The following NRN1 variants were observed in gnomAD, a reference collection of about 807,000 sequenced individuals.
NRN1 encodes neuritin.
In NRN1, 4 loss-of-function variants were observed where a neutral mutation model predicts 15.0. The observed-to-expected ratio is 0.27, with a 90% confidence interval of 0.13 to 0.61. The LOEUF (loss-of-function observed/expected upper bound fraction) is 0.61. Among genes scored for constraint, NRN1 ranks in the 20% least tolerant of loss-of-function variants. The probability of loss-of-function intolerance (pLI) is 0.87; values close to 1 mark genes in which losing one functional copy is unlikely to be tolerated. For synonymous variants in NRN1, 85 were observed against 79.8 expected (o/e 1.07, Z -0.35); for missense variants, 134 against 181.9 (o/e 0.74, Z 1.51).
intron 2 of NRN1, 24 bp from the exon 3 acceptor site, chr6:5,999,228 G>C (rs751963010): frequency 3.1e-6 from 5 of 1,593,012 alleles, no homozygotes; most frequent in Non-Finnish European, 3.4e-6. Flanking sequence ...GAACAAAACA[G>C]AACAAGCAGG....
intron 1 of NRN1, chr6:6,003,588 G>A (rs1472090653): frequency 2.5e-5 from 7 of 281,406 alleles, no homozygotes; most frequent in South Asian, 1.6e-4. Flanking sequence ...CTGAGCGGCG[G>A]GAGGAGGAGG....
intron 2 of NRN1, among the ~76,000 whole-genome samples, chr6:6,001,113 A>C (rs1757933374): frequency 6.6e-6 from 1 of 152,236 alleles, no homozygotes; most frequent in African/African-American, 2.4e-5. Flanking sequence ...AGCACTAGCC[A>C]TTTAGCTGCT....
intron 2 of NRN1, among the ~76,000 whole-genome samples, chr6:6,001,996 G>C (rs1757959420): frequency 6.6e-6 from 1 of 152,250 alleles, no homozygotes. Flanking sequence ...ACAAGGCAGA[G>C]AGATCTTGCA....
Position 5,998,185 on chromosome 6 carries a change from T to G in NRN1, c.*791A>C, listed in dbSNP as rs1757818499. The G allele has an allele frequency of 6.6e-6, 1 of 152,148 alleles. No homozygotes were observed. The highest frequency in any genetic ancestry group is 2.1e-4 in the South Asian group (1 of 4,828). 9.4% of individuals were successfully genotyped at this position (152,148 alleles called of 1,614,324 possible). A position where few individuals can be genotyped will look rare whatever the true frequency, so the allele number is the denominator to read the frequency against. On this transcript the variant is annotated 3_prime_UTR_variant, in exon 3 of 3. Transcript: ENST00000244766. ...ATTAACATTTAACATCCCCCCCTTG[T>G]GATCTATACCGTTGGATATTCAGGT...
chr6:6,004,832 G>T (rs1758065123), intron 1 of NRN1, among the ~76,000 whole-genome samples: 1 of 151,950 alleles, frequency 6.6e-6, no homozygotes, highest in Non-Finnish European at 1.5e-5. Flanking sequence ...GTTTCCATCC[G>T]TTCATTCATT....
chr6:6,000,697 C>A lies in NRN1; in HGVS notation c.201-1493G>T, dbSNP rs1247985457. ...CCTGCAGACTGTCTGTGGAATTGCCCCTGCTAAAGGATGCCTAAATTGCTC... is the reference window on the plus strand; with the variant it reads ...CCTGCAGACTGTCTGTGGAATTGCCACTGCTAAAGGATGCCTAAATTGCTC... On this transcript the variant is annotated intron_variant, in intron 2 of 2. Transcript: ENST00000244766. Among the ~76,000 whole-genome samples the A allele has an allele frequency of 2.0e-5, 3 of 149,036 alleles. No individual in the cohort carries two copies. The East Asian group carries it at 5.9e-4, about 29-fold the overall frequency.
chr6:6,004,509 G>A (rs555725464), intron 1 of NRN1, among the ~76,000 whole-genome samples: 5 of 152,332 alleles, frequency 3.3e-5, no homozygotes, highest in African/African-American at 1.2e-4. Flanking sequence ...GGCTCGCCGG[G>A]GGCGGGAGCG....
chr6:6,005,992 A>G (rs1758100318), intron 1 of NRN1, among the ~76,000 whole-genome samples: 1 of 152,212 alleles, frequency 6.6e-6, no homozygotes, highest in South Asian at 2.1e-4. Flanking sequence ...ACACTTCTTA[A>G]CCCTTTCCTA....
intron 2 of NRN1, 83 bp from the exon 3 acceptor site, chr6:5,999,287 C>T: frequency 8.2e-7 from 1 of 1,219,162 alleles, no homozygotes; most frequent in Admixed American, 1.9e-5. Flanking sequence ...CTGCGCCTCC[C>T]CGCTGGCGGC....
chr6:6,003,126 A>G (rs1758005493), intron 1 of NRN1: 2 of 1,081,516 alleles, frequency 1.8e-6, no homozygotes, highest in Middle Eastern at 2.2e-4. Context: ...AGCCACCAGC[A>G]GTTACCGAAA....
intron 1 of NRN1, 200 bp from the exon 2 acceptor site, chr6:6,002,697 C>A: frequency 6.0e-6 from 4 of 669,596 alleles, no homozygotes; most frequent in Non-Finnish European, 9.9e-6. Flanking sequence ...AACGCTGCGT[C>A]TAGTGCAAAT....
rs1554145373 is a variant in NRN1, at chr6:6,000,748, T to TTTTTTA, written c.201-1545_201-1544insTAAAAA. Among the ~76,000 whole-genome samples, 246 of 99,122 alleles carry TTTTTTA rather than the reference T, an allele frequency of 2.5e-3. 24 individuals are homozygous for TTTTTTA. Among genetic ancestry groups the TTTTTTA allele is most frequent in the Non-Finnish European group, 3.3e-3 (164 of 50,010 alleles). 65.0% of individuals were successfully genotyped at this position (99,122 alleles called of 152,430 possible). ...TTTTTTTTTTTTTTTTTTTTTTTTT[T>TTTTTTA]ATGTACGCCCAGATGAGGGCAGAGT... On this transcript the variant is annotated intron_variant, in intron 2 of 2. Coordinates refer to ENST00000244766, the MANE Select transcript of NRN1 (RefSeq NM_016588.3).
chr6:6,002,295 C>T (rs1757970262), intron 2 of NRN1, 58 bp downstream of exon 2: 1 of 1,593,390 alleles, frequency 6.3e-7, no homozygotes, highest in African/African-American at 1.3e-5. Context: ...GCTCGGCACT[C>T]TCCGACCTCA....
intron 1 of NRN1, among the ~76,000 whole-genome samples, chr6:6,006,171 C>G (rs567861589): frequency 2.6e-5 from 4 of 152,214 alleles, no homozygotes; most frequent in Non-Finnish European, 5.9e-5. Context: ...TCTGCGGTGC[C>G]CGTGCAAACG....
chr6:5,998,670 TTAA>T lies in NRN1; in HGVS notation c.*303_*305del, dbSNP rs749197409. ...GAGATTCTTTTGCCAACAAAAAAAATTAATAATAATAAAATTAAAAAATGGGGT... is the reference window on the plus strand; with the variant it reads ...GAGATTCTTTTGCCAACAAAAAAAATTAATAATAAAATTAAAAAATGGGGT... On this transcript the variant is annotated 3_prime_UTR_variant, in exon 3 of 3. Coordinates refer to ENST00000244766, the MANE Select transcript of NRN1 (RefSeq NM_016588.3). The T allele has an allele frequency of 2.3e-4, 52 of 225,270 alleles. No homozygotes were observed. Among genetic ancestry groups the T allele is most frequent in the Non-Finnish European group, 3.1e-4 (36 of 115,584 alleles). 14.0% of individuals were successfully genotyped at this position (225,270 alleles called of 1,614,324 possible). A position where few individuals can be genotyped will look rare whatever the true frequency, so the allele number is the denominator to read the frequency against.
In NRN1 at chr6:5,998,564, C is replaced by T. The variant is rs1023218865; in HGVS notation, c.*412G>A. On this transcript the variant is annotated 3_prime_UTR_variant, in exon 3 of 3. Coordinates refer to ENST00000244766, the MANE Select transcript of NRN1 (RefSeq NM_016588.3). ...TTCATTCCCCTGGCCTTCTCCTCTC[C>T]TCGCCTTCCTATTAGGAGGAGCCCA... The T allele has an allele frequency of 6.3e-5, 10 of 157,638 alleles. No homozygotes were observed. Among genetic ancestry groups the T allele is most frequent in the African/African-American group, 9.6e-5 (4 of 41,532 alleles). The allele number at this position is 157,638 out of a possible 1,614,324, so 9.8% of individuals were successfully genotyped here.
intron 1 of NRN1, chr6:6,003,245 C>A: frequency 8.1e-7 from 1 of 1,234,592 alleles, no homozygotes; most frequent in Non-Finnish European, 1.0e-6. Context: ...GCCTGGACGT[C>A]CTGAGACCTG....
rs533709040 is a variant in NRN1 at position 5,998,048 on chromosome 6, C to CT, written c.*927dup. On this transcript the variant is annotated 3_prime_UTR_variant, in exon 3 of 3. Transcript: ENST00000244766. ...TACTTCTCTATACTTTGTAGCAAAT[C>CT]TTTTTTTGCTGAATTTAATTTATAA... The CT allele has an allele frequency of 1.3e-5, 2 of 152,096 alleles. No individual in the cohort carries two copies. Among genetic ancestry groups the CT allele is most frequent in the Non-Finnish European group, 2.9e-5 (2 of 68,016 alleles). The allele number at this position is 152,096 out of a possible 1,614,324, so 9.4% of individuals were successfully genotyped here. A position where few individuals can be genotyped will look rare whatever the true frequency, so the allele number is the denominator to read the frequency against.
intron 2 of NRN1, 46 bp downstream of exon 2, chr6:6,002,307 T>C (rs376135808): frequency 3.7e-6 from 6 of 1,605,486 alleles, no homozygotes; most frequent in Non-Finnish European, 5.1e-6. Context: ...CCGACCTCAG[T>C]AGCGCCCCCA....
Sources: gnomAD v4.1 joint callset for allele counts (sites outside exome capture counted in the v4.1 genomes callset) on GRCh38, gnomAD v4.1.1 for gene constraint, MANE v1.5 for transcripts, NCBI Gene and HGNC (gene_info 2026-07-23, HGNC 2026-07-21) for gene names.